The following PLEKHM3 variants were observed in gnomAD, a reference collection of about 807,000 sequenced individuals.
The protein encoded by PLEKHM3 is pleckstrin homology domain-containing family M member 3.
Under a neutral mutation model 81.8 loss-of-function variants are expected in PLEKHM3, and 45 were observed. The observed-to-expected ratio is 0.55, with a 90% CI of 0.43 to 0.71. The LOEUF (loss-of-function observed/expected upper bound fraction) is 0.71. PLEKHM3 is among the 30% of genes least tolerant of loss of function. The pLI, the probability that PLEKHM3 is intolerant of heterozygous loss-of-function variation, is 0.00. For synonymous variants in PLEKHM3, 352 were observed against 356.4 expected (o/e 0.99, Z 0.14); for missense variants, 788 against 924.3 (o/e 0.85, Z 1.91).
intron 6 of PLEKHM3, among the ~76,000 whole-genome samples, chr2:207,898,635 G>A (rs1688321927): frequency 1.3e-5 from 2 of 152,174 alleles, no homozygotes. Context: ...GTGCAAGCCT[G>A]TAGTCCCAGC....
At chr2:207,980,865 A>AC (rs1455293621) in intron 2 of PLEKHM3, among the ~76,000 whole-genome samples, 3 of 152,252 alleles carry the variant, frequency 2.0e-5, no homozygotes, top group African/African-American at 7.2e-5. Context: ...ACGGTGGCTT[A>AC]CACCTGTAAT....
chr2:208,015,596 T>C (rs563472714), intron 1 of PLEKHM3, among the ~76,000 whole-genome samples: 1 of 152,168 alleles, frequency 6.6e-6, no homozygotes, highest in Admixed American at 6.5e-5. Context: ...ATAGCTAACC[T>C]CAATTGTCTT....
intron 4 of PLEKHM3, among the ~76,000 whole-genome samples, chr2:207,941,003 T>A (rs371364418): frequency 6.6e-6 from 1 of 152,216 alleles, no homozygotes; most frequent in Non-Finnish European, 1.5e-5. Flanking sequence ...CAAGGTCATA[T>A]GCTGAGAATA....
chr2:207,846,163 G>A (rs2092380920), intron 7 of PLEKHM3, among the ~76,000 whole-genome samples: 1 of 152,062 alleles, frequency 6.6e-6, no homozygotes, highest in South Asian at 2.1e-4. Context: ...TTGTTTTTGA[G>A]ATGGGGTCTT....
Position 207,873,362 on chromosome 2 carries a change from A to G in PLEKHM3, c.1951-12100T>C, listed in dbSNP as rs77158972. Among the ~76,000 whole-genome samples the G allele has an allele frequency of 6.7e-3, 1,025 of 152,318 alleles. 16 individuals are homozygous for G. Among genetic ancestry groups the G allele is most frequent in the African/African-American group, 0.023 (967 of 41,566 alleles). ...TAATCACTTAACTTCTCCATGCCTC[A>G]GTTTCCTCATCTACAAAATAAAGTG... On this transcript the variant is annotated intron_variant, in intron 6 of 7. Coordinates refer to ENST00000427836, the MANE Select transcript of PLEKHM3 (RefSeq NM_001080475.3).
intron 6 of PLEKHM3, among the ~76,000 whole-genome samples, chr2:207,867,621 T>C (rs961652815): frequency 2.0e-5 from 3 of 152,058 alleles, no homozygotes; most frequent in Non-Finnish European, 4.4e-5. Flanking sequence ...TGAAAAAGCA[T>C]ACATACATAG....
intron 4 of PLEKHM3, among the ~76,000 whole-genome samples, chr2:207,933,389 T>A (rs1034955729): frequency 6.6e-6 from 1 of 152,252 alleles, no homozygotes; most frequent in Non-Finnish European, 1.5e-5. Flanking sequence ...ATTAAATATT[T>A]GTGATATTTA....
intron 2 of PLEKHM3, among the ~76,000 whole-genome samples, chr2:207,979,723 T>C (rs1251134719): frequency 6.6e-6 from 1 of 152,120 alleles, no homozygotes; most frequent in Admixed American, 6.6e-5. Context: ...GGGTATGATT[T>C]CTGCTTTTGG....
At chr2:207,883,704 A>G (rs941952617) in intron 6 of PLEKHM3, among the ~76,000 whole-genome samples, 28 of 152,178 alleles carry the variant, frequency 1.8e-4, no homozygotes, top group Admixed American at 1.7e-3. Context: ...TTTATTACAT[A>G]AATGTTAAAA....
chr2:207,859,705 C>T (rs140246485), intron 7 of PLEKHM3, among the ~76,000 whole-genome samples: 12 of 151,766 alleles, frequency 7.9e-5, no homozygotes, highest in Non-Finnish European at 1.6e-4. Context: ...TCAAGTGATT[C>T]TCCTGCCTCA....
intron 5 of PLEKHM3, among the ~76,000 whole-genome samples, chr2:207,921,428 TCAGTA>T (rs1419532565): frequency 1.3e-5 from 2 of 152,318 alleles, no homozygotes; most frequent in East Asian, 3.9e-4. Context: ...ATGTACTAGT[TCAGTA>T]CATTATACAA....
At chr2:207,955,584 A>G (rs1690476129) in intron 3 of PLEKHM3, among the ~76,000 whole-genome samples, 2 of 152,206 alleles carry the variant, frequency 1.3e-5, no homozygotes, top group African/African-American at 4.8e-5. Context: ...TACCAATTCT[A>G]TGAGGTAGGT....
At chr2:207,829,222 T>C (rs942105088) in intron 7 of PLEKHM3, among the ~76,000 whole-genome samples, 5 of 152,214 alleles carry the variant, frequency 3.3e-5, no homozygotes, top group African/African-American at 1.2e-4. Context: ...TTGTTTGGCT[T>C]GGTGGAAGCC....
chr2:207,972,878 A>G (rs908747537), intron 3 of PLEKHM3, among the ~76,000 whole-genome samples: 1 of 152,228 alleles, frequency 6.6e-6, no homozygotes, highest in African/African-American at 2.4e-5. Flanking sequence ...AAATAAGGCC[A>G]ATTGCACTAT....
intron 7 of PLEKHM3, among the ~76,000 whole-genome samples, chr2:207,836,721 G>A (rs1208726502): frequency 3.3e-5 from 5 of 152,202 alleles, no homozygotes; most frequent in Admixed American, 6.5e-5. Context: ...GCTAAAGGCC[G>A]CTGCCCCGAG....
At chr2:207,890,422 G>A (rs1011684952) in intron 6 of PLEKHM3, among the ~76,000 whole-genome samples, 2 of 152,162 alleles carry the variant, frequency 1.3e-5, no homozygotes, top group African/African-American at 4.8e-5. Context: ...GAGGTCAGGA[G>A]TTCGAGACCA....
intron 5 of PLEKHM3, among the ~76,000 whole-genome samples, chr2:207,909,929 T>A (rs1051389118): frequency 3.3e-5 from 5 of 152,230 alleles, no homozygotes; most frequent in African/African-American, 1.2e-4. Flanking sequence ...ACACATTGCA[T>A]ATCAGACACT....
chr2:207,939,319 A>G (rs192571454), intron 4 of PLEKHM3, among the ~76,000 whole-genome samples: 3 of 152,290 alleles, frequency 2.0e-5, no homozygotes, highest in African/African-American at 4.8e-5. Context: ...AACAATCAGG[A>G]GAGGAAAAGA....
rs2092226517 is a variant in PLEKHM3, at chr2:207,822,857, C to T, written c.*5462G>A. ...GGCACTCCTACAGGGACAAGAGACA[C>T]AAGGGAAGGCCAACATGGAGAAGGA... is the stretch of plus-strand genomic sequence containing the variant. On this transcript the variant is annotated 3_prime_UTR_variant, in exon 8 of 8. Transcript: ENST00000427836. 6.6e-6 allele frequency: 1 copy of T among 152,448 alleles called. No individual in the cohort carries two copies. Among genetic ancestry groups the T allele is most frequent in the Non-Finnish European group, 1.5e-5 (1 of 68,218 alleles). 9.4% of individuals were successfully genotyped at this position (152,448 alleles called of 1,614,324 possible). A position where few individuals can be genotyped will look rare whatever the true frequency, so the allele number is the denominator to read the frequency against.
Sources: allele counts gnomAD v4.1 joint callset (sites outside exome capture counted in the v4.1 genomes callset), GRCh38; gene constraint gnomAD v4.1.1; transcripts MANE v1.5; gene names NCBI Gene and HGNC (gene_info 2026-07-23, HGNC 2026-07-21).